Variants in RIPOR2 observed in about 807,000 individuals in gnomAD.
The protein encoded by RIPOR2 is RHO family interacting cell polarization regulator 2.
In RIPOR2, 39 loss-of-function variants were observed where a neutral mutation model predicts 114.5. That is an observed-to-expected ratio of 0.34 (90% CI 0.26 to 0.44). The LOEUF is 0.44. Ranked by LOEUF, RIPOR2 falls within the 20% of genes least tolerant of loss-of-function variation. The pLI is 1.00. For missense variants in RIPOR2, 1,007 were observed against 1,255.1 expected, an observed-to-expected ratio of 0.80 and a Z score of 2.99; for synonymous variants, 445 against 484.4, an observed-to-expected ratio of 0.92 and a Z score of 1.07.
At chr6:24,835,977 C>T (rs959161480) in intron 14 of RIPOR2, 106 bp from the exon 15 acceptor site, 1 of 996,146 alleles carries the variant, frequency 1.0e-6, no homozygotes, top group Non-Finnish European at 1.5e-6. Flanking sequence ...TGAAAACAGT[C>T]TTTCACTTGC....
At chr6:25,018,564 A>T (rs944406795) in intron 1 of RIPOR2, among the ~76,000 whole-genome samples, 8 of 152,164 alleles carry the variant, frequency 5.3e-5, no homozygotes, top group South Asian at 4.1e-4. Context: ...TTTATTTATT[A>T]AAAAAATTTA....
chr6:24,900,009 T>C (rs1768257842), intron 1 of RIPOR2, among the ~76,000 whole-genome samples: 1 of 152,228 alleles, frequency 6.6e-6, no homozygotes, highest in African/African-American at 2.4e-5. Flanking sequence ...TTCTTGATTA[T>C]AATAGAAGCC....
intron 19 of RIPOR2, among the ~76,000 whole-genome samples, chr6:24,821,728 G>A (rs1199379760): frequency 6.6e-5 from 10 of 152,190 alleles, no homozygotes. Context: ...CAGCTACACA[G>A]GGACTAGCCT....
At chr6:24,911,129 A>G (rs1210104974) in intron 1 of RIPOR2, 1 of 174,404 alleles carries the variant, frequency 5.7e-6, no homozygotes, top group Non-Finnish European at 8.9e-6. Context: ...GGGAGCCGTG[A>G]GGAGGGGGAG....
At chr6:24,964,465 C>G (rs1773438746) in intron 1 of RIPOR2, among the ~76,000 whole-genome samples, 1 of 152,272 alleles carries the variant, frequency 6.6e-6, no homozygotes, top group Admixed American at 6.5e-5. Flanking sequence ...CCGTGTGTAT[C>G]AATAGTTCCC....
chr6:24,977,768 T>C (rs146865547), intron 1 of RIPOR2, among the ~76,000 whole-genome samples: 96 of 152,282 alleles, frequency 6.3e-4, no homozygotes, highest in African/African-American at 2.1e-3. Context: ...ATTCAGGATG[T>C]AAAAGTTTTG....
intron 4 of RIPOR2, among the ~76,000 whole-genome samples, chr6:24,872,279 G>C (rs1765253490): frequency 6.6e-6 from 1 of 152,092 alleles, no homozygotes; most frequent in Admixed American, 6.5e-5. Flanking sequence ...TCTCATGGTG[G>C]TTACTCCTTT....
At position 24,840,698 on chromosome 6, in the gene RIPOR2, G is replaced by A. The variant is rs1436746522; in HGVS notation, c.1858-1426C>T. On this transcript the variant is annotated intron_variant, in intron 13 of 21. Transcript: ENST00000643898. ...ACGTCTTTCGGTCTTTTAAATCACA[G>A]TTGTCTCATTCACCCTCAGTGATCT... 12 of 1,535,098 alleles carry A rather than the reference G, an allele frequency of 7.8e-6. No individual in the cohort carries two copies. The highest frequency in any genetic ancestry group is 7.3e-5 in the East Asian group (3 of 40,928).
chr6:24,854,278 T>C (rs1763234041), intron 8 of RIPOR2, among the ~76,000 whole-genome samples: 1 of 152,196 alleles, frequency 6.6e-6, no homozygotes, highest in South Asian at 2.1e-4. Context: ...AGAGACTATC[T>C]TATTTAATGT....
chr6:24,847,964 G>A (rs1049142645), intron 12 of RIPOR2, 61 bp downstream of exon 12: 146 of 1,603,298 alleles, frequency 9.1e-5, no homozygotes, highest in Admixed American at 1.5e-4. Flanking sequence ...CATTTCAAAT[G>A]CTGGGTGCAA....
chr6:24,873,849 T>TG lies in RIPOR2; in HGVS notation c.189-51dup. 2.0e-6 allele frequency: 3 copies of TG among 1,479,264 alleles called. No homozygotes were observed. The African/African-American group carries it at 4.3e-5, about 21-fold the overall frequency. The allele number at this position is 1,479,264 out of a possible 1,614,324, so 91.6% of individuals were successfully genotyped here. A position where few individuals can be genotyped will look rare whatever the true frequency, so the allele number is the denominator to read the frequency against. ...TGAGGATTGGGCATCCAAAAGGATTTGACCAAAGAAAAATGTCTTCTATTA... is the reference window on the plus strand; with the variant it reads ...TGAGGATTGGGCATCCAAAAGGATTTGGACCAAAGAAAAATGTCTTCTATTA... On this transcript the variant is annotated intron_variant, in intron 2 of 21. Coordinates refer to ENST00000643898, the MANE Select transcript of RIPOR2 (RefSeq NM_001286445.3).
rs1240722306 is a variant in RIPOR2, at chr6:24,935,852, T to G, written c.47A>C (p.Asp16Ala). ...GATGCATTTACCTTCACCAAAAACA[T>G]CATCCTCTTCATCGACCAGGAGCTC... ...AEELLVDEEDDVFGEGLPTRL... is the reference protein window; with the variant it reads ...AEELLVDEEDAVFGEGLPTRL... The change falls in exon 1 of 22, where the codon GAT becomes GCT. Residue 16 changes from aspartate (D) to alanine (A), a missense_variant. Coordinates refer to ENST00000643898, the MANE Select transcript of RIPOR2 (RefSeq NM_001286445.3). 1.3e-6 allele frequency: 2 copies of G among 1,535,186 alleles called. No homozygotes were observed. Among genetic ancestry groups the G allele is most frequent in the East Asian group, 2.4e-5 (1 of 40,922 alleles).
rs138206081 is a variant in RIPOR2, at chr6:24,881,267, T to A, written c.62-5450A>T. ...GTTTCCAGTCTCTAAGTTATTGACG[T>A]CTCACCTGGTCTTTTGGAAAATTCC... On this transcript the variant is annotated intron_variant, in intron 1 of 21. Transcript: ENST00000643898. Among the ~76,000 whole-genome samples, 6 of 152,296 alleles carry A rather than the reference T, an allele frequency of 3.9e-5. No individual in the cohort carries two copies. The East Asian group carries it at 1.2e-3, about 29-fold the overall frequency.
At chr6:24,983,193 T>TACACAC (rs5875016) in intron 1 of RIPOR2, among the ~76,000 whole-genome samples, 14,500 of 147,226 alleles carry the variant, frequency 0.098, 914 homozygotes, top group Non-Finnish European at 0.14. Flanking sequence ...GTTGAACACG[T>TACACAC]ACACACACAC....
chr6:25,022,532 A>ATTTT lies in RIPOR2; in HGVS notation c.76+19315_76+19318dup, dbSNP rs10564019. ...ACATATAACTAATGTGGTACCTTCC[A>ATTTT]TTTTTTTTTTTTTTTTTTTTTTTTT... On this transcript the variant is annotated intron_variant, in intron 1 of 13. Transcript: ENST00000510784. 1.7e-3 allele frequency among the ~76,000 whole-genome samples: 68 copies of ATTTT among 40,978 alleles called. 15 individuals carry two copies. The highest frequency in any genetic ancestry group is 2.5e-3 in the African/African-American group (32 of 12,760). 26.9% of individuals were successfully genotyped at this position (40,978 alleles called of 152,430 possible).
chr6:24,807,439 T>G (rs1780844701), intron 21 of RIPOR2, among the ~76,000 whole-genome samples: 1 of 152,202 alleles, frequency 6.6e-6, no homozygotes, highest in South Asian at 2.1e-4. Context: ...ATCATTGCAC[T>G]CCAGCCTGGG....
Position 24,839,899 on chromosome 6 carries a change from A to T in RIPOR2, c.1858-627T>A. 3.4e-6 allele frequency: 3 copies of T among 875,506 alleles called. No individual in the cohort carries two copies. In the South Asian group the frequency reaches 1.2e-4, roughly 36 times the overall value. 54.2% of individuals were successfully genotyped at this position (875,506 alleles called of 1,614,324 possible). On this transcript the variant is annotated intron_variant, in intron 13 of 21. Transcript: ENST00000643898. The stretch of plus-strand genomic sequence containing the variant: ...CAGAAACAGGAAGTGGTTCAAATTC[A>T]CCTAGCCCATGTTCCCTAGGTAAGA...
At chr6:24,808,186 G>A (rs1780900788) in intron 21 of RIPOR2, among the ~76,000 whole-genome samples, 1 of 152,210 alleles carries the variant, frequency 6.6e-6, no homozygotes, top group Non-Finnish European at 1.5e-5. Context: ...AAGAGCTAAG[G>A]TGAAGCAGGT....
chr6:24,852,486 G>C (rs201744811), intron 9 of RIPOR2, 89 bp downstream of exon 9: 1 of 975,198 alleles, frequency 1.0e-6, no homozygotes, highest in Non-Finnish European at 1.6e-6. Context: ...AAAAAAAAAA[G>C]ACAACTTGAA....
Sources: gnomAD v4.1 joint callset for allele counts (sites outside exome capture counted in the v4.1 genomes callset) on GRCh38, gnomAD v4.1.1 for gene constraint, MANE v1.5 for transcripts, NCBI Gene and HGNC (gene_info 2026-07-23, HGNC 2026-07-21) for gene names.